The following RTTN variants were observed in gnomAD, a reference collection of about 807,000 sequenced individuals.
The protein encoded by RTTN is rotatin.
RTTN carries 182 observed loss-of-function variants against 269.2 expected under a neutral mutation model. The ratio of observed to expected loss-of-function variants is 0.68; its 90% confidence interval spans 0.60 to 0.76. RTTN has a LOEUF of 0.76. RTTN is among the 30% of genes least tolerant of loss of function. The pLI is 0.00. For synonymous variants in RTTN, 1,006 were observed against 963.5 expected (o/e 1.04, Z -0.82); for missense variants, 2,545 against 2,608.6 (o/e 0.98, Z 0.53).
intron 34 of RTTN, among the ~76,000 whole-genome samples, chr18:70,067,013 A>G (rs114291843): frequency 0.036 from 5,460 of 152,262 alleles, 335 homozygotes; most frequent in African/African-American, 0.12. Flanking sequence ...AGAAAGCTGC[A>G]GCTAAAAAAT....
chr18:70,028,294 G>A (rs889806612), intron 43 of RTTN, among the ~76,000 whole-genome samples: 4 of 151,940 alleles, frequency 2.6e-5, no homozygotes, highest in Admixed American at 6.6e-5. Context: ...ACTTCCTCTC[G>A]GTGGATGTGG....
intron 21 of RTTN, 115 bp downstream of exon 21, chr18:70,139,484 T>A (rs2060203498): frequency 1.5e-6 from 1 of 669,580 alleles, no homozygotes; most frequent in Non-Finnish European, 2.6e-6. Flanking sequence ...GTGTATTCAC[T>A]AATAAATGCT....
chr18:70,013,365 A>T (rs1482586312), intron 46 of RTTN, among the ~76,000 whole-genome samples: 1 of 141,684 alleles, frequency 7.1e-6, no homozygotes, highest in Non-Finnish European at 1.5e-5. Flanking sequence ...TTTTTAATAA[A>T]GTACTGTGTG....
At chr18:70,037,340 T>C (rs929197224) in intron 40 of RTTN, among the ~76,000 whole-genome samples, 2 of 152,282 alleles carry the variant, frequency 1.3e-5, no homozygotes, top group Non-Finnish European at 1.5e-5. Context: ...TCCCAGGCAG[T>C]GCGGCTCGCA....
intron 19 of RTTN, 112 bp from the exon 20 acceptor site, chr18:70,140,300 C>T: frequency 1.6e-6 from 1 of 632,578 alleles, no homozygotes. Context: ...ATTAAAAATA[C>T]TTAGACCTGG....
chr18:70,018,582 C>T (rs927340528), intron 45 of RTTN, among the ~76,000 whole-genome samples: 3 of 152,136 alleles, frequency 2.0e-5, no homozygotes, highest in African/African-American at 4.8e-5. Context: ...ATAAACTTAA[C>T]GTTTTTATAC....
chr18:70,066,055 A>T, intron 34 of RTTN, 133 bp from the exon 35 acceptor site: 1 of 484,182 alleles, frequency 2.1e-6, no homozygotes, highest in Non-Finnish European at 3.6e-6. Flanking sequence ...ACTAGAAAAG[A>T]TTCCATATCT....
At chr18:70,091,369 A>C (rs1463812717) in intron 30 of RTTN, among the ~76,000 whole-genome samples, 1 of 152,090 alleles carries the variant, frequency 6.6e-6, no homozygotes, top group Non-Finnish European at 1.5e-5. Flanking sequence ...TAAGGTTTAA[A>C]GAGATCATAA....
chr18:70,036,708 C>T (rs1169684799), intron 40 of RTTN, among the ~76,000 whole-genome samples: 4 of 152,172 alleles, frequency 2.6e-5, no homozygotes, highest in South Asian at 2.1e-4. Flanking sequence ...AAAAAAGAAT[C>T]GGCTGGGTGA....
At chr18:70,017,273 T>C (rs1404502609) in intron 46 of RTTN, 134 bp downstream of exon 46, 1 of 836,630 alleles carries the variant, frequency 1.2e-6, no homozygotes, top group Non-Finnish European at 1.8e-6. Context: ...TTCATTCCCA[T>C]GCCTTCCACA....
At chr18:70,075,592 T>G (rs1165700426) in intron 32 of RTTN, 51 bp from the exon 33 acceptor site, 8 of 1,419,448 alleles carry the variant, frequency 5.6e-6, no homozygotes, top group Non-Finnish European at 7.5e-6. Context: ...TCCAACAATT[T>G]CCTTAAAAAG....
rs200132186 is a variant in RTTN at position 70,054,096 on chromosome 18, T to C, written c.5185+35A>G. The C allele has an allele frequency of 1.9e-5, 29 of 1,559,450 alleles. No individual in the cohort carries two copies. In the African/African-American group the frequency reaches 3.5e-4, roughly 19 times the overall value. Reference sequence around the variant, plus strand: ...GTAAGTTTTTTTTCCTCAGTATTATTCACTTACATTCTAAACTAAAACAAT... The same window carrying C: ...GTAAGTTTTTTTTCCTCAGTATTATCCACTTACATTCTAAACTAAAACAAT... On this transcript the variant is annotated intron_variant, in intron 38 of 48. Coordinates refer to ENST00000640769, the MANE Select transcript of RTTN (RefSeq NM_173630.4).
rs749922681 is a variant in RTTN, at chr18:70,140,136, A to G, written c.2634T>C (p.Ile878=). Residue 878 remains isoleucine (I), a synonymous_variant, in exon 20 of 49, where the codon ATT becomes ATC. Coordinates refer to ENST00000640769, the MANE Select transcript of RTTN (RefSeq NM_173630.4). ...VKKLCLIDKI[I]EYLNECVSQD... ...GACTCACACATTCATTTAAATACTC[A>G]ATTATTTTGTCAATTAAGCATAACT... The G allele has an allele frequency of 6.2e-7, 1 of 1,600,398 alleles. No individual in the cohort carries two copies. The highest frequency in any genetic ancestry group is 8.6e-7 in the Non-Finnish European group (1 of 1,168,402).
At chr18:70,171,701 A>G (rs1406905203) in intron 11 of RTTN, among the ~76,000 whole-genome samples, 1 of 152,228 alleles carries the variant, frequency 6.6e-6, no homozygotes, top group African/African-American at 2.4e-5. Flanking sequence ...AAAAATAATC[A>G]GCAACATCAC....
At chr18:70,158,980 A>C (rs2060756735) in intron 14 of RTTN, among the ~76,000 whole-genome samples, 1 of 152,180 alleles carries the variant, frequency 6.6e-6, no homozygotes, top group Non-Finnish European at 1.5e-5. Flanking sequence ...AGACAACCAC[A>C]AAATAATAGT....
At chr18:70,164,692 G>T (rs1177458707) in intron 14 of RTTN, among the ~76,000 whole-genome samples, 1 of 152,098 alleles carries the variant, frequency 6.6e-6, no homozygotes, top group African/African-American at 2.4e-5. Context: ...AACTAAGAAG[G>T]TCTAACACAG....
At chr18:70,134,631 G>A in intron 22 of RTTN, 90 bp from the exon 23 acceptor site, 2 of 810,192 alleles carry the variant, frequency 2.5e-6, no homozygotes, top group Non-Finnish European at 4.1e-6. Flanking sequence ...TTCGTTGACT[G>A]CAAATGAAAT....
chr18:70,154,784 G>A (rs1051563695), intron 14 of RTTN, among the ~76,000 whole-genome samples: 2 of 152,068 alleles, frequency 1.3e-5, no homozygotes, highest in Non-Finnish European at 1.5e-5. Flanking sequence ...ACCCTTGATT[G>A]ATCGCAAGGT....
intron 27 of RTTN, among the ~76,000 whole-genome samples, chr18:70,114,017 T>C (rs1367992174): frequency 6.6e-6 from 1 of 152,170 alleles, no homozygotes; most frequent in East Asian, 1.9e-4. Flanking sequence ...AAATGTACAT[T>C]TTAAAATGGT....
Sources: gnomAD v4.1 joint callset for allele counts (sites outside exome capture counted in the v4.1 genomes callset) on GRCh38, gnomAD v4.1.1 for gene constraint, MANE v1.5 for transcripts, NCBI Gene and HGNC (gene_info 2026-07-23, HGNC 2026-07-21) for gene names.